The following GTF2E2 variants were observed in gnomAD, a reference collection of about 807,000 sequenced individuals.
The protein encoded by GTF2E2 is general transcription factor IIE subunit 2.
Under a neutral mutation model 40.5 loss-of-function variants are expected in GTF2E2, and 21 were observed. That is an observed-to-expected ratio of 0.52 (90% CI 0.37 to 0.75). The LOEUF is 0.75. Among genes scored for constraint, GTF2E2 ranks in the 30% least tolerant of loss-of-function variants. The probability of loss-of-function intolerance (pLI) is 0.00; values close to 1 mark genes in which losing one functional copy is unlikely to be tolerated. For missense variants in GTF2E2, 298 were observed against 338.4 expected, an observed-to-expected ratio of 0.88 and a Z score of 0.94; for synonymous variants, 117 against 121.6, an observed-to-expected ratio of 0.96 and a Z score of 0.25.
chr8:30,609,650 A>G (rs537080536), intron 5 of GTF2E2, among the ~76,000 whole-genome samples: 6 of 152,332 alleles, frequency 3.9e-5, no homozygotes, highest in Admixed American at 1.3e-4. Flanking sequence ...CCAAAAATTT[A>G]TATCAAATCT....
At chr8:30,583,530 C>T (rs914556914) in intron 6 of GTF2E2, among the ~76,000 whole-genome samples, 2 of 152,040 alleles carry the variant, frequency 1.3e-5, no homozygotes, top group Non-Finnish European at 2.9e-5. Flanking sequence ...CAGGCACATA[C>T]CACCACACCA....
chr8:30,619,915 G>T (rs117323075), intron 3 of GTF2E2, among the ~76,000 whole-genome samples: 4 of 152,132 alleles, frequency 2.6e-5, no homozygotes, highest in Non-Finnish European at 5.9e-5. Context: ...AGACATTATT[G>T]CAGATTTCCA....
chr8:30,656,303 T>A (rs984618087), intron 1 of GTF2E2, among the ~76,000 whole-genome samples: 1 of 152,084 alleles, frequency 6.6e-6, no homozygotes, highest in African/African-American at 2.4e-5. Context: ...CTATTTTGAG[T>A]TGGATCTGAA....
chr8:30,647,830 T>A (rs1802147701), intron 2 of GTF2E2, among the ~76,000 whole-genome samples: 2 of 152,204 alleles, frequency 1.3e-5, no homozygotes, highest in South Asian at 4.1e-4. Context: ...TCAGATTTTT[T>A]AATAGTGTAC....
intron 3 of GTF2E2, among the ~76,000 whole-genome samples, chr8:30,632,588 C>G (rs1021981042): frequency 6.6e-6 from 1 of 152,102 alleles, no homozygotes; most frequent in Admixed American, 6.6e-5. Context: ...AACAGTATTT[C>G]TATTTTCTCA....
chr8:30,649,375 A>C (rs948693563), intron 2 of GTF2E2, among the ~76,000 whole-genome samples: 1 of 151,970 alleles, frequency 6.6e-6, no homozygotes, highest in Non-Finnish European at 1.5e-5. Context: ...AGCAGAAGGA[A>C]GGAAATAATA....
intron 2 of GTF2E2, among the ~76,000 whole-genome samples, chr8:30,636,356 T>C (rs1801599192): frequency 6.6e-6 from 1 of 152,108 alleles, no homozygotes; most frequent in African/African-American, 2.4e-5. Flanking sequence ...ACCAGGTTGG[T>C]AATAATAATT....
chr8:30,619,538 A>AC (rs1801024395), intron 3 of GTF2E2, among the ~76,000 whole-genome samples: 1 of 150,878 alleles, frequency 6.6e-6, no homozygotes, highest in Non-Finnish European at 1.5e-5. Flanking sequence ...ATACGCGTGC[A>AC]CCACAACACC....
intron 7 of GTF2E2, among the ~76,000 whole-genome samples, chr8:30,579,854 G>A (rs1337042015): frequency 2.6e-5 from 4 of 152,220 alleles, no homozygotes; most frequent in African/African-American, 9.7e-5. Flanking sequence ...GGTTCCTAGA[G>A]GACCTGAAAG....
intron 3 of GTF2E2, among the ~76,000 whole-genome samples, chr8:30,617,026 A>G (rs1198365301): frequency 3.3e-5 from 5 of 152,164 alleles, no homozygotes; most frequent in African/African-American, 1.2e-4. Context: ...ATGACAGGTG[A>G]GAACAAGACT....
intron 3 of GTF2E2, among the ~76,000 whole-genome samples, chr8:30,618,785 A>C (rs970589013): frequency 6.6e-6 from 1 of 152,212 alleles, no homozygotes; most frequent in Non-Finnish European, 1.5e-5. Context: ...TGATGTGTAA[A>C]AGTAGCTGCT....
At position 30,622,612 on chromosome 8, in the gene GTF2E2, G is replaced by A. The variant is rs183117941; in HGVS notation, c.259-7897C>T. On this transcript the variant is annotated intron_variant, in intron 3 of 7. Transcript: ENST00000355904. ...AAATTTATTGGGCGGGAATTTCCTC[G>A]TCCTAATAAGCCTGGGAGCACTATG... is the stretch of plus-strand genomic sequence containing the variant. 1.2e-4 allele frequency among the ~76,000 whole-genome samples: 19 copies of A among 152,056 alleles called. 1 individual carries two copies. In the East Asian group the frequency reaches 2.3e-3, roughly 19 times the overall value.
chr8:30,634,437 G>T (rs1335140054), intron 3 of GTF2E2, among the ~76,000 whole-genome samples: 1 of 151,164 alleles, frequency 6.6e-6, no homozygotes, highest in East Asian at 1.9e-4. Context: ...AACGGAGCAA[G>T]ACTGTCTCAA....
chr8:30,647,362 C>T (rs1190775842), intron 2 of GTF2E2, among the ~76,000 whole-genome samples: 2 of 152,130 alleles, frequency 1.3e-5, no homozygotes, highest in Non-Finnish European at 2.9e-5. Context: ...AGGTGGATCA[C>T]CTGAGGTCAG....
At chr8:30,653,714 A>T (rs1325659094) in intron 1 of GTF2E2, 112 bp from the exon 2 acceptor site, 2 of 702,080 alleles carry the variant, frequency 2.8e-6, no homozygotes, top group Non-Finnish European at 4.8e-6. Flanking sequence ...TTTTATTATT[A>T]GTTCTCTAGC....
chr8:30,632,116 CAAAT>C (rs989935855), intron 3 of GTF2E2, among the ~76,000 whole-genome samples: 7 of 152,092 alleles, frequency 4.6e-5, no homozygotes, highest in African/African-American at 7.2e-5. Flanking sequence ...GTCTCAAAAA[CAAAT>C]AAATAAATAA....
Position 30,635,074 on chromosome 8 carries a change from T to C in GTF2E2, c.216A>G (p.Gly72=). 1.9e-6 allele frequency: 3 copies of C among 1,609,126 alleles called. No individual in the cohort carries two copies. The highest frequency in any genetic ancestry group is 2.2e-5 in the East Asian group (1 of 44,738). ...TCTTAGCAAGAACACCAAACTTATA[T>C]CCAGAGCTTCCTGACAAAGCTTTCA... ...FNLKALSGSS[G]YKFGVLAKIV... is the part of the protein sequence containing the mutation. The change falls in exon 3 of 8, where the codon GGA becomes GGG. Residue 72 remains glycine, a synonymous_variant. Coordinates refer to ENST00000355904, the MANE Select transcript of GTF2E2 (RefSeq NM_002095.6).
At chr8:30,647,023 C>T (rs1802109746) in intron 2 of GTF2E2, among the ~76,000 whole-genome samples, 1 of 133,850 alleles carries the variant, frequency 7.5e-6, no homozygotes, top group Admixed American at 7.5e-5. Flanking sequence ...AAAAGTCTGG[C>T]AAGATAGACA....
intron 2 of GTF2E2, among the ~76,000 whole-genome samples, chr8:30,652,335 G>A (rs1249747335): frequency 2.0e-5 from 3 of 152,034 alleles, no homozygotes; most frequent in African/African-American, 7.2e-5. Flanking sequence ...TCAAAGAATG[G>A]TAGCCAGAAT....
Sources: gnomAD v4.1 joint callset for allele counts (sites outside exome capture counted in the v4.1 genomes callset) on GRCh38, gnomAD v4.1.1 for gene constraint, MANE v1.5 for transcripts, NCBI Gene and HGNC (gene_info 2026-07-23, HGNC 2026-07-21) for gene names.